CCDC149: variants seen among roughly 807,000 people sequenced by gnomAD.
The protein encoded by CCDC149 is coiled-coil domain containing 149.
Under a neutral mutation model 59.9 loss-of-function variants are expected in CCDC149, and 45 were observed. The ratio of observed to expected loss-of-function variants is 0.75; its 90% CI spans 0.59 to 0.96. CCDC149 has a LOEUF of 0.96. Ranked by LOEUF, CCDC149 falls within the 40% of genes least tolerant of loss-of-function variation. The probability of loss-of-function intolerance (pLI) is 0.00; values close to 1 mark genes in which losing one functional copy is unlikely to be tolerated. For missense variants in CCDC149, 584 were observed against 664.7 expected (o/e 0.88, Z 1.33); for synonymous variants, 245 against 260.6 (o/e 0.94, Z 0.58).
Position 24,963,120 on chromosome 4 carries a change from A to G in CCDC149, c.-65+16949T>C, listed in dbSNP as rs745943646. Among the ~76,000 whole-genome samples the G allele has an allele frequency of 1.3e-5, 2 of 152,166 alleles. 1 individual carries two copies. The highest frequency in any genetic ancestry group is 4.8e-5 in the African/African-American group (2 of 41,452). ...AATACAAAAACACCCACAATCAAGC[A>G]GGGAGTTGATCTTCCACCTCAGAGA... On this transcript the variant is annotated intron_variant, in intron 1 of 12. Transcript: ENST00000389609.
chr4:24,857,416 TAA>T (rs1411030033), intron 3 of CCDC149, among the ~76,000 whole-genome samples: 1 of 152,262 alleles, frequency 6.6e-6, no homozygotes, highest in Non-Finnish European at 1.5e-5. Context: ...CAAATTGCTA[TAA>T]AAGTTTCTGA....
chr4:24,964,347 C>T (rs191626002), intron 1 of CCDC149, among the ~76,000 whole-genome samples: 90 of 152,176 alleles, frequency 5.9e-4, no homozygotes, highest in South Asian at 4.2e-3. Context: ...GTCCAAACAA[C>T]GGACAAAAAA....
At chr4:24,906,599 T>C (rs1443487953) in intron 1 of CCDC149, among the ~76,000 whole-genome samples, 1 of 151,818 alleles carries the variant, frequency 6.6e-6, no homozygotes, top group Non-Finnish European at 1.5e-5. Flanking sequence ...GGTTTTGCCA[T>C]GTTGGCCGGG....
intron 8 of CCDC149, among the ~76,000 whole-genome samples, chr4:24,834,472 G>T (rs1455888459): frequency 6.6e-6 from 1 of 152,184 alleles, no homozygotes; most frequent in Admixed American, 6.5e-5. Flanking sequence ...GATTTCAGCA[G>T]CTAGGAGACT....
rs1401093697 is a variant in CCDC149, at chr4:24,838,397, A to G, written c.373-125T>C. ...TTCAAGAAATACTGGAGAAAGCACAAAACAATTACTTGCCAGTATCATCCA... is the reference window on the plus strand; with the variant it reads ...TTCAAGAAATACTGGAGAAAGCACAGAACAATTACTTGCCAGTATCATCCA... On this transcript the variant is annotated intron_variant, in intron 4 of 12. Coordinates refer to ENST00000635206, the MANE Select transcript of CCDC149 (RefSeq NM_001330643.2). 13 of 689,778 alleles carry G rather than the reference A, an allele frequency of 1.9e-5. No individual in the cohort carries two copies. The East Asian group carries it at 3.1e-4, about 16-fold the overall frequency. 42.7% of individuals were successfully genotyped at this position (689,778 alleles called of 1,614,324 possible).
intron 3 of CCDC149, among the ~76,000 whole-genome samples, chr4:24,860,749 G>GA (rs1352399477): frequency 6.6e-6 from 1 of 151,730 alleles, no homozygotes; most frequent in Non-Finnish European, 1.5e-5. Flanking sequence ...AAATCTGCAA[G>GA]AAAAAAACAA....
At chr4:24,813,489 A>AATATATATATATATATATATATAC (rs1714767387) in intron 12 of CCDC149, among the ~76,000 whole-genome samples, 1 of 113,734 alleles carries the variant, frequency 8.8e-6, no homozygotes, top group African/African-American at 4.0e-5. Flanking sequence ...CAGCTTGGGG[A>AATATATATATATATATATATATAC]ATATATATAT....
intron 4 of CCDC149, among the ~76,000 whole-genome samples, chr4:24,840,438 T>C (rs964684001): frequency 6.6e-6 from 1 of 152,192 alleles, no homozygotes; most frequent in Non-Finnish European, 1.5e-5. Flanking sequence ...AAAATCAATA[T>C]TTGCAGTGCT....
At chr4:24,867,206 C>A (rs529865864) in intron 3 of CCDC149, among the ~76,000 whole-genome samples, 2 of 152,316 alleles carry the variant, frequency 1.3e-5, no homozygotes, top group East Asian at 3.9e-4. Flanking sequence ...ATCACAAACA[C>A]CGCCACATCA....
chr4:24,973,121 C>T (rs1162087606), intron 1 of CCDC149, among the ~76,000 whole-genome samples: 2 of 152,128 alleles, frequency 1.3e-5, no homozygotes, highest in Non-Finnish European at 2.9e-5. Flanking sequence ...TTGGAATCCC[C>T]CTATGACCTG....
chr4:24,936,745 G>A (rs1722793250), intron 1 of CCDC149, among the ~76,000 whole-genome samples: 1 of 152,212 alleles, frequency 6.6e-6, no homozygotes, highest in Non-Finnish European at 1.5e-5. Flanking sequence ...TGGAATGGGA[G>A]TTTTAGAGGC....
chr4:24,926,484 C>T (rs1164945070), intron 1 of CCDC149, among the ~76,000 whole-genome samples: 1 of 152,158 alleles, frequency 6.6e-6, no homozygotes, highest in Non-Finnish European at 1.5e-5. Context: ...TCCTACCTTC[C>T]CTCAGGGGCT....
intron 12 of CCDC149, among the ~76,000 whole-genome samples, chr4:24,813,256 C>T (rs1229828843): frequency 1.3e-5 from 2 of 152,040 alleles, no homozygotes; most frequent in Non-Finnish European, 2.9e-5. Flanking sequence ...AATCTCTTAG[C>T]ACCTTGATCT....
chr4:24,845,409 T>C (rs916176767), intron 4 of CCDC149, among the ~76,000 whole-genome samples: 48 of 152,208 alleles, frequency 3.2e-4, no homozygotes, highest in African/African-American at 1.1e-3. Flanking sequence ...CCTGCTTTAG[T>C]TTTTTACTTA....
At chr4:24,852,284 CCATACA>C (rs59888828) in intron 4 of CCDC149, among the ~76,000 whole-genome samples, 16,191 of 109,218 alleles carry the variant, frequency 0.15, 946 homozygotes, top group South Asian at 0.21. Flanking sequence ...CTCCAACACA[CCATACA>C]CACACACACA....
chr4:24,874,930 G>A (rs1303268748), intron 2 of CCDC149, among the ~76,000 whole-genome samples: 1 of 152,120 alleles, frequency 6.6e-6, no homozygotes, highest in Non-Finnish European at 1.5e-5. Flanking sequence ...AAAACCTAGA[G>A]AAAATAAAAA....
chr4:24,837,876 G>A lies in CCDC149; in HGVS notation c.489+280C>T, dbSNP rs1415952027. 1.3e-5 allele frequency among the ~76,000 whole-genome samples: 2 copies of A among 152,224 alleles called. No homozygotes were observed. On this transcript the variant is annotated intron_variant, in intron 5 of 12. Transcript: ENST00000635206. The surrounding 1 kb of genome is among the most constrained non-coding windows in gnomAD (Gnocchi z 4.3). ...GAAACTTGCAAAGTAAGGCCAGTTTGTCACGTGTTGTTCTCTCCCTGTCTA... is the reference window on the plus strand; with the variant it reads ...GAAACTTGCAAAGTAAGGCCAGTTTATCACGTGTTGTTCTCTCCCTGTCTA...
chr4:24,964,109 G>A (rs770831460), intron 1 of CCDC149, among the ~76,000 whole-genome samples: 9 of 151,324 alleles, frequency 5.9e-5, no homozygotes, highest in Admixed American at 2.0e-4. Context: ...TGGGAGGATC[G>A]GTTGAGCCCA....
chr4:24,889,458 C>T lies in CCDC149; in HGVS notation c.64-12761G>A, dbSNP rs16876330. On this transcript the variant is annotated intron_variant, in intron 1 of 12. Coordinates refer to ENST00000635206, the MANE Select transcript of CCDC149 (RefSeq NM_001330643.2). ...GCCGAGATGCTGCCGGTACGCCTTG[C>T]AGTTCTGGTTTGTTTCAGAGATTGT... Among the ~76,000 whole-genome samples the T allele has an allele frequency of 5.7e-3, 870 of 152,262 alleles. 4 individuals are homozygous for T. The highest frequency in any genetic ancestry group is 0.02 in the African/African-American group (833 of 41,552).
Sources: gnomAD v4.1 joint callset for allele counts (sites outside exome capture counted in the v4.1 genomes callset) on GRCh38, gnomAD v4.1.1 for gene constraint, Gnocchi (gnomAD v3.1) non-coding constraint, MANE v1.5 for transcripts, NCBI Gene and HGNC (gene_info 2026-07-23, HGNC 2026-07-21) for gene names.